The following NBAS variants were observed in gnomAD, a reference collection of about 807,000 sequenced individuals.
The protein encoded by NBAS is NAG/BC035112 fusion.
Under a neutral mutation model 302.5 loss-of-function variants are expected in NBAS, and 219 were observed. That is an observed-to-expected ratio of 0.72 (90% CI 0.65 to 0.81). The LOEUF is 0.81. NBAS is among the 30% of genes least tolerant of loss of function. NBAS has a pLI of 0.00. For synonymous variants in NBAS, 1,118 were observed against 1,021.6 expected, an observed-to-expected ratio of 1.09 and a Z score of -1.80; for missense variants, 2,932 against 2,841.6, an observed-to-expected ratio of 1.03 and a Z score of -0.72.
intron 23 of NBAS, 126 bp downstream of exon 23, chr2:15,424,189 A>C: frequency 3.0e-5 from 28 of 946,676 alleles, no homozygotes; most frequent in Non-Finnish European, 4.5e-5. Context: ...TAAATATTCA[A>C]TTCATCTCTT....
chr2:15,007,029 G>C, the NBAS span, among the ~76,000 whole-genome samples: 1 of 152,168 alleles, frequency 6.6e-6, no homozygotes. Context: ...CATTAAGGTA[G>C]ACATTAAGTC....
intron 11 of NBAS, among the ~76,000 whole-genome samples, chr2:15,495,904 A>G (rs1303287617): frequency 6.6e-6 from 1 of 152,178 alleles, no homozygotes; most frequent in African/African-American, 2.4e-5. Flanking sequence ...AAACACAGTT[A>G]TCATAAGACT....
At chr2:15,158,058 G>A in the NBAS span, among the ~76,000 whole-genome samples, 7 of 152,278 alleles carry the variant, frequency 4.6e-5, no homozygotes, top group Admixed American at 1.3e-4. Flanking sequence ...TGGACCCGGT[G>A]GCTGCCCTAC....
intron 25 of NBAS, among the ~76,000 whole-genome samples, chr2:15,414,982 T>G (rs778148503): frequency 1.3e-5 from 2 of 152,176 alleles, no homozygotes; most frequent in East Asian, 1.9e-4. Flanking sequence ...AGATGTCTTA[T>G]GAGAACTTAA....
At chr2:15,146,612 C>G in the NBAS span, among the ~76,000 whole-genome samples, 1 of 152,014 alleles carries the variant, frequency 6.6e-6, no homozygotes, top group Non-Finnish European at 1.5e-5. Flanking sequence ...ATGACCTGCC[C>G]GAAGAACGTC....
intron 10 of NBAS, among the ~76,000 whole-genome samples, chr2:15,509,973 C>T (rs1016051597): frequency 2.0e-5 from 3 of 152,332 alleles, no homozygotes; most frequent in Admixed American, 6.5e-5. Context: ...CCTCAGCCTC[C>T]TGAGTAGCTG....
At chr2:15,213,855 G>A (rs1411097636) in intron 48 of NBAS, among the ~76,000 whole-genome samples, 5 of 152,168 alleles carry the variant, frequency 3.3e-5, no homozygotes, top group Non-Finnish European at 5.9e-5. Context: ...TAAAACGGAT[G>A]TTCTGTCAAC....
At position 15,327,896 on chromosome 2, in the gene NBAS, T is replaced by C. The variant is rs763819465; in HGVS notation, c.4462-26A>G. 6 of 1,613,042 alleles carry C rather than the reference T, an allele frequency of 3.7e-6. No homozygotes were observed. The African/African-American group carries it at 6.7e-5, about 18-fold the overall frequency. ...CTACACAAAAGAAGCAGTTTCACTA[T>C]CTAGTAGGGTGCCTTTTGTCCTACA... On this transcript the variant is annotated intron_variant, in intron 37 of 51. Transcript: ENST00000281513.
intron 47 of NBAS, among the ~76,000 whole-genome samples, chr2:15,221,099 CA>C (rs1666930708): frequency 1.3e-5 from 2 of 152,134 alleles, no homozygotes; most frequent in South Asian, 4.2e-4. Context: ...GAAATGGAAA[CA>C]ATTAGGGTGT....
chr2:14,840,911 C>A, the NBAS span, among the ~76,000 whole-genome samples: 1 of 151,984 alleles, frequency 6.6e-6, no homozygotes, highest in Admixed American at 6.6e-5. Context: ...AATATGCAAT[C>A]CATTCATAAC....
chr2:15,487,527 T>C (rs535466741), intron 12 of NBAS, among the ~76,000 whole-genome samples: 1 of 152,292 alleles, frequency 6.6e-6, no homozygotes, highest in South Asian at 2.1e-4. Context: ...AAAATCTATG[T>C]ACAGAGTGGA....
At position 15,543,533 on chromosome 2, in the gene NBAS, T is replaced by C. The variant is rs140124432; in HGVS notation, c.380-4177A>G. On this transcript the variant is annotated intron_variant, in intron 6 of 51. Transcript: ENST00000281513. The stretch of plus-strand genomic sequence containing the variant: ...CAATTTACAAAAGAAAGAGGTTTAA[T>C]TGAATTTACAGTTCCATGTGGTTAG... 3.8e-4 allele frequency among the ~76,000 whole-genome samples: 57 copies of C among 149,366 alleles called. 1 individual carries two copies. The East Asian group carries it at 0.011, about 28-fold the overall frequency.
chr2:15,400,610 T>G (rs1676105248), intron 26 of NBAS, among the ~76,000 whole-genome samples: 1 of 152,154 alleles, frequency 6.6e-6, no homozygotes, highest in South Asian at 2.1e-4. Context: ...GTATTTGCTT[T>G]TTGAAGATAG....
At chr2:14,973,410 A>C in the NBAS span, among the ~76,000 whole-genome samples, 1 of 152,350 alleles carries the variant, frequency 6.6e-6, no homozygotes, top group Non-Finnish European at 1.5e-5. Context: ...TAAGAAGTAA[A>C]ATTGATTTAA....
intron 38 of NBAS, among the ~76,000 whole-genome samples, chr2:15,315,699 T>C (rs1194405736): frequency 6.6e-6 from 1 of 152,176 alleles, no homozygotes; most frequent in Non-Finnish European, 1.5e-5. Flanking sequence ...AGGAAAGGAA[T>C]CTCTCTTCTC....
chr2:15,314,812 T>G (rs192917638), intron 38 of NBAS, among the ~76,000 whole-genome samples: 157 of 152,322 alleles, frequency 1.0e-3, no homozygotes, highest in Admixed American at 1.8e-3. Flanking sequence ...ATGTACAGTT[T>G]TATATGCCTA....
At chr2:15,401,185 A>G (rs973559526) in intron 26 of NBAS, among the ~76,000 whole-genome samples, 4 of 152,080 alleles carry the variant, frequency 2.6e-5, no homozygotes, top group African/African-American at 9.7e-5. Flanking sequence ...CATGCAAATA[A>G]CCTTTTATCA....
At chr2:15,383,156 A>G in intron 29 of NBAS, 59 bp downstream of exon 29, 1 of 1,393,098 alleles carries the variant, frequency 7.2e-7, no homozygotes, top group Non-Finnish European at 1.0e-6. Flanking sequence ...TGTATCCAAT[A>G]AACCATAACA....
intron 51 of NBAS, among the ~76,000 whole-genome samples, chr2:15,168,012 T>C (rs1664114670): frequency 6.6e-6 from 1 of 152,160 alleles, no homozygotes; most frequent in African/African-American, 2.4e-5. Flanking sequence ...TAAAAAACGG[T>C]TTCATAGGTT....
Sources: allele counts gnomAD v4.1 joint callset (sites outside exome capture counted in the v4.1 genomes callset), GRCh38; gene constraint gnomAD v4.1.1; transcripts MANE v1.5; gene names NCBI Gene and HGNC (gene_info 2026-07-23, HGNC 2026-07-21).